Variants in EYA1 observed in about 807,000 individuals in gnomAD.
EYA1 encodes the protein EYA transcriptional coactivator and phosphatase 1.
A neutral mutation model predicts 82.0 loss-of-function variants in EYA1; 16 were observed. The observed-to-expected ratio is 0.20, with a 90% confidence interval of 0.13 to 0.30. The LOEUF is 0.30. EYA1 is among the 10% of genes least tolerant of loss of function. EYA1 has a pLI of 1.00. For synonymous variants in EYA1, 261 were observed against 264.4 expected (o/e 0.99, Z 0.12); for missense variants, 633 against 730.7 (o/e 0.87, Z 1.54).
At position 71,260,921 on chromosome 8, in the gene EYA1, C is replaced by T. The variant is rs1815022397; in HGVS notation, c.1050+8819G>A. On this transcript the variant is annotated intron_variant, in intron 11 of 17. Transcript: ENST00000340726. ...TCAGTGCACCTTAAACAATTCCTTA[C>T]TTAGAATGCTAATATTACAGCCACA... 2.0e-5 allele frequency among the ~76,000 whole-genome samples: 3 copies of T among 152,204 alleles called. No individual in the cohort carries two copies. The South Asian group carries it at 6.2e-4, about 31-fold the overall frequency.
chr8:71,476,310 A>G (rs1370024399), intron 2 of EYA1, among the ~76,000 whole-genome samples: 1 of 152,156 alleles, frequency 6.6e-6, no homozygotes, highest in African/African-American at 2.4e-5. Flanking sequence ...TGGCCCAGAT[A>G]AATTCTAATT....
chr8:71,494,128 T>C (rs1811237131), intron 2 of EYA1, among the ~76,000 whole-genome samples: 1 of 151,960 alleles, frequency 6.6e-6, no homozygotes, highest in South Asian at 2.1e-4. Flanking sequence ...CTTATTAGGT[T>C]TTATTATAAA....
chr8:71,499,199 T>G (rs906886089), intron 2 of EYA1, among the ~76,000 whole-genome samples: 1 of 152,186 alleles, frequency 6.6e-6, no homozygotes, highest in Non-Finnish European at 1.5e-5. Flanking sequence ...TAGACTTGAG[T>G]CACCTCTCAC....
chr8:71,431,383 G>A (rs6472587), intron 2 of EYA1, among the ~76,000 whole-genome samples: 108,235 of 151,862 alleles, frequency 0.71, 39,796 homozygotes, highest in African/African-American at 0.82. Context: ...TTTTGCCACC[G>A]CTCCAGTCTG....
upstream of EYA1, among the ~76,000 whole-genome samples, chr8:71,362,786 T>C (rs1432626817): frequency 6.6e-6 from 1 of 152,028 alleles, no homozygotes; most frequent in East Asian, 1.9e-4. Context: ...GCTTATTCTT[T>C]TAAAAAAAAA....
chr8:71,274,811 AG>A lies in EYA1; in HGVS notation c.827-2915del, dbSNP rs1187734018. ...ACAGAGGACAAATGCACCAGTGAAG[AG>A]GGAATATGACTGTGTTCCAGACAGG... is the stretch of plus-strand genomic sequence containing the variant. On this transcript the variant is annotated intron_variant, in intron 9 of 17. Transcript: ENST00000340726. 6.1e-4 allele frequency among the ~76,000 whole-genome samples: 93 copies of A among 152,302 alleles called. 1 individual carries two copies. The highest frequency in any genetic ancestry group is 2.2e-3 in the African/African-American group (90 of 41,582).
intron 17 of EYA1, among the ~76,000 whole-genome samples, chr8:71,203,651 G>A (rs1807362963): frequency 6.6e-6 from 1 of 152,144 alleles, no homozygotes; most frequent in African/African-American, 2.4e-5. Context: ...ATCTAACTAA[G>A]GAGTTTAGAC....
chr8:71,202,127 G>T (rs777195353), intron 17 of EYA1, among the ~76,000 whole-genome samples: 1 of 152,064 alleles, frequency 6.6e-6, no homozygotes, highest in Non-Finnish European at 1.5e-5. Context: ...ATTGTCTGAG[G>T]TTCCATATGT....
intron 2 of EYA1, among the ~76,000 whole-genome samples, chr8:71,415,900 C>G (rs1301961676): frequency 6.6e-6 from 1 of 152,194 alleles, no homozygotes; most frequent in Non-Finnish European, 1.5e-5. Flanking sequence ...AGAGAGGAAA[C>G]TATTCTTGAT....
chr8:71,493,648 T>C (rs1161119342), intron 2 of EYA1, among the ~76,000 whole-genome samples: 1 of 152,044 alleles, frequency 6.6e-6, no homozygotes, highest in Non-Finnish European at 1.5e-5. Context: ...TTGAACATTT[T>C]AAATATGGTT....
At chr8:71,223,223 C>T (rs903041831) in intron 12 of EYA1, among the ~76,000 whole-genome samples, 2 of 152,084 alleles carry the variant, frequency 1.3e-5, no homozygotes, top group African/African-American at 2.4e-5. Flanking sequence ...ATTAGGCCAC[C>T]GTCATGGCAG....
At chr8:71,540,238 A>T (rs1041006800) in intron 1 of EYA1, among the ~76,000 whole-genome samples, 1 of 152,212 alleles carries the variant, frequency 6.6e-6, no homozygotes, top group African/African-American at 2.4e-5. Context: ...AAAGAAAAAA[A>T]ATATGCAAGA....
At chr8:71,498,723 G>A (rs915561990) in intron 2 of EYA1, among the ~76,000 whole-genome samples, 12 of 152,046 alleles carry the variant, frequency 7.9e-5, no homozygotes, top group East Asian at 1.9e-4. Context: ...TCTCCGAGTC[G>A]GTTAAAGTAA....
At chr8:71,521,655 A>G (rs1047905721) in intron 2 of EYA1, among the ~76,000 whole-genome samples, 2 of 152,138 alleles carry the variant, frequency 1.3e-5, no homozygotes, top group African/African-American at 4.8e-5. Context: ...ATATTTTTAA[A>G]CCATCAAAAT....
In EYA1 at chr8:71,515,539, A is replaced by C. The variant is rs78303814; in HGVS notation, c.33+20205T>G. Among the ~76,000 whole-genome samples the C allele has an allele frequency of 3.3e-4, 51 of 152,256 alleles. No homozygotes were observed. In the East Asian group the frequency reaches 7.7e-3, roughly 23 times the overall value. ...TGTTACTAGTGATAAAGTTCATACT[A>C]CGGTATTGCCATGACGGAAAAGTGC... On this transcript the variant is annotated intron_variant, in intron 2 of 18. Transcript: ENST00000643681.
At chr8:71,525,775 A>C (rs922886909) in intron 2 of EYA1, among the ~76,000 whole-genome samples, 37 of 152,312 alleles carry the variant, frequency 2.4e-4, no homozygotes, top group African/African-American at 8.7e-4. Context: ...GCCTGTTTCC[A>C]AAGGTGCTTG....
Position 71,243,847 on chromosome 8 carries a change from A to T in EYA1, c.1140+756T>A, listed in dbSNP as rs77012330. On this transcript the variant is annotated intron_variant, in intron 12 of 17. Transcript: ENST00000340726. The stretch of plus-strand genomic sequence containing the variant: ...GAAATAACATACATTTATAAATCGA[A>T]CAAAACAACAACTTGATGATTAATG... 2.0e-3 allele frequency among the ~76,000 whole-genome samples: 310 copies of T among 152,386 alleles called. 1 individual carries two copies. The highest frequency in any genetic ancestry group is 3.2e-3 in the Non-Finnish European group (221 of 68,034).
chr8:71,508,157 G>A (rs546037488), intron 2 of EYA1, among the ~76,000 whole-genome samples: 1 of 152,238 alleles, frequency 6.6e-6, no homozygotes, highest in African/African-American at 2.4e-5. Flanking sequence ...CTTCGTTTGA[G>A]TTTCCATTTC....
chr8:71,332,638 C>T (rs1299399508), intron 4 of EYA1, among the ~76,000 whole-genome samples: 3 of 152,218 alleles, frequency 2.0e-5, no homozygotes, highest in Non-Finnish European at 4.4e-5. Flanking sequence ...ATTCATCCTG[C>T]CATGGTGGCC....
Sources: gnomAD v4.1 joint callset for allele counts (sites outside exome capture counted in the v4.1 genomes callset) on GRCh38, gnomAD v4.1.1 for gene constraint, MANE v1.5 for transcripts, NCBI Gene and HGNC (gene_info 2026-07-23, HGNC 2026-07-21) for gene names.